Variants in PHACTR2 observed in about 807,000 individuals in gnomAD.
PHACTR2 encodes the protein chromosome 6 open reading frame 56.
PHACTR2 carries 30 observed loss-of-function variants against 76.0 expected under a neutral mutation model. That is an observed-to-expected ratio of 0.39 (90% CI 0.30 to 0.54). The LOEUF (loss-of-function observed/expected upper bound fraction) is 0.54. Among genes scored for constraint, PHACTR2 ranks in the 20% least tolerant of loss-of-function variants. The probability of loss-of-function intolerance (pLI) is 0.61; values close to 1 mark genes in which losing one functional copy is unlikely to be tolerated. For missense variants in PHACTR2, 696 were observed against 781.1 expected, an observed-to-expected ratio of 0.89 and a Z score of 1.30; for synonymous variants, 292 against 292.5, an observed-to-expected ratio of 1.00 and a Z score of 0.02.
At position 143,803,489 on chromosome 6, in the gene PHACTR2, A is replaced by G. The variant is rs567621629; in HGVS notation, c.1846-3568A>G. 2.0e-5 allele frequency among the ~76,000 whole-genome samples: 3 copies of G among 152,234 alleles called. No homozygotes were observed. The highest frequency in any genetic ancestry group is 6.5e-5 in the Admixed American group (1 of 15,274). On this transcript the variant is annotated intron_variant, in intron 11 of 12. Transcript: ENST00000440869. This position sits in a 1 kb window ranked among gnomAD's most constrained non-coding sequence, Gnocchi z 4.7. ...TTTGAACCCAGGAGGCAGAGGTTGC[A>G]GTGAGCTGAGATCACGCCACTGCAC...
At chr6:143,626,481 G>A (rs1776260815) in intron 1 of PHACTR2, among the ~76,000 whole-genome samples, 1 of 148,056 alleles carries the variant, frequency 6.8e-6, no homozygotes, top group African/African-American at 2.5e-5. Flanking sequence ...AGCTTGCAGT[G>A]AGCCGAGATT....
chr6:143,707,418 G>T (rs775593616), intron 1 of PHACTR2, among the ~76,000 whole-genome samples: 5 of 152,076 alleles, frequency 3.3e-5, no homozygotes, highest in African/African-American at 7.2e-5. Flanking sequence ...CTTTTTTCCC[G>T]CAGGGCGGCT....
rs1781128716 is a variant in PHACTR2, at chr6:143,537,465, G to C, written c.217+258G>C. Among the ~76,000 whole-genome samples the C allele has an allele frequency of 6.6e-6, 1 of 152,186 alleles. No homozygotes were observed. Among genetic ancestry groups the C allele is most frequent in the Non-Finnish European group, 1.5e-5 (1 of 68,022 alleles). ...GCCTTGCGGGGCGAGTGTGCAGCCT[G>C]GGTTGGGGTAGGGAGCGCTCCCTCT... On this transcript the variant is annotated intron_variant, in intron 1 of 11. Coordinates refer to the PHACTR2 transcript ENST00000367584. This position sits in a 1 kb window ranked among gnomAD's most constrained non-coding sequence, Gnocchi z 4.4.
rs1323222583 is a variant in PHACTR2 at position 143,809,408 on chromosome 6, G to T, written c.1922+2275G>T. ...GTTTTTTTAGTAGAGATGAGGTCTT[G>T]CTATGTTGCCCAGGCTGGTCTTGAA... On this transcript the variant is annotated intron_variant, in intron 12 of 12. Coordinates refer to ENST00000440869, the MANE Select transcript of PHACTR2 (RefSeq NM_001100164.2). This position sits in a 1 kb window ranked among gnomAD's most constrained non-coding sequence, Gnocchi z 4.2. Among the ~76,000 whole-genome samples, 1 of 151,872 alleles carries T rather than the reference G, an allele frequency of 6.6e-6. No homozygotes were observed. Among genetic ancestry groups the T allele is most frequent in the Non-Finnish European group, 1.5e-5 (1 of 67,956 alleles).
Position 143,753,930 on chromosome 6 carries a change from C to T in PHACTR2, c.454+18C>T, listed in dbSNP as rs995681137. ...TAAGAAAGGTAAAATAAAGACAAAC[C>T]CATATTATTTACTTTAGTATATAGC... On this transcript the variant is annotated intron_variant, in intron 4 of 12. Coordinates refer to ENST00000440869, the MANE Select transcript of PHACTR2 (RefSeq NM_001100164.2). The surrounding 1 kb of genome is among the most constrained non-coding windows in gnomAD (Gnocchi z 4.6). 1 of 1,577,622 alleles carries T rather than the reference C, an allele frequency of 6.3e-7. No individual in the cohort carries two copies. Among genetic ancestry groups the T allele is most frequent in the African/African-American group, 1.4e-5 (1 of 72,880 alleles).
intron 1 of PHACTR2, among the ~76,000 whole-genome samples, chr6:143,574,270 G>A (rs1702049483): frequency 6.6e-6 from 1 of 152,188 alleles, no homozygotes; most frequent in Non-Finnish European, 1.5e-5. Context: ...AGTTCACTAA[G>A]GCAGAGTCTT....
chr6:143,785,757 C>T (rs1206474864), intron 10 of PHACTR2, among the ~76,000 whole-genome samples: 1 of 152,258 alleles, frequency 6.6e-6, no homozygotes, highest in African/African-American at 2.4e-5. Flanking sequence ...CATATGGAAG[C>T]TGCCAAGGCT....
At chr6:143,725,348 C>T (rs1778540703) in intron 2 of PHACTR2, among the ~76,000 whole-genome samples, 1 of 150,326 alleles carries the variant, frequency 6.7e-6, no homozygotes, top group Non-Finnish European at 1.5e-5. Context: ...CTACAGGCGC[C>T]CGCCACCATA....
intron 10 of PHACTR2, among the ~76,000 whole-genome samples, chr6:143,785,205 G>A (rs1775525921): frequency 6.6e-6 from 1 of 152,160 alleles, no homozygotes; most frequent in South Asian, 2.1e-4. Flanking sequence ...GCGGGTACAG[G>A]CATTGGGTAA....
chr6:143,809,135 G>A lies in PHACTR2; in HGVS notation c.1922+2002G>A, dbSNP rs1346236659. 1.3e-5 allele frequency among the ~76,000 whole-genome samples: 2 copies of A among 152,168 alleles called. No individual in the cohort carries two copies. The highest frequency in any genetic ancestry group is 1.5e-5 in the Non-Finnish European group (1 of 68,028). The stretch of plus-strand genomic sequence containing the variant: ...AGTTTTCCTAGAAGTTGGAGTATCT[G>A]ATAGCCTTATCTTCATTTGATAGCA... On this transcript the variant is annotated intron_variant, in intron 12 of 12. Transcript: ENST00000440869. The surrounding 1 kb of genome is among the most constrained non-coding windows in gnomAD (Gnocchi z 4.2).
intron 1 of PHACTR2, among the ~76,000 whole-genome samples, chr6:143,555,867 G>A (rs1775165848): frequency 6.7e-6 from 1 of 149,188 alleles, no homozygotes; most frequent in South Asian, 2.1e-4. Context: ...ATGGTTTCTT[G>A]ACATACAATA....
chr6:143,830,227 C>T lies in PHACTR2; in HGVS notation c.*6538C>T, dbSNP rs1298896047. The T allele has an allele frequency of 2.0e-5, 3 of 150,782 alleles. No homozygotes were observed. The highest frequency in any genetic ancestry group is 3.0e-5 in the Non-Finnish European group (2 of 67,758). The allele number at this position is 150,782 out of a possible 1,614,324, so 9.3% of individuals were successfully genotyped here. ...TAGAAATGTGCCAGTGTGTTCAAAACATTTACACCAATTTCACCAGATTTA... is the reference window on the plus strand; with the variant it reads ...TAGAAATGTGCCAGTGTGTTCAAAATATTTACACCAATTTCACCAGATTTA... On this transcript the variant is annotated 3_prime_UTR_variant, in exon 13 of 13. Transcript: ENST00000440869.
chr6:143,783,256 A>T lies in PHACTR2; in HGVS notation c.1683A>T (p.Glu561Asp). ...AAGAGGAACAAGAAGCAAAAATGGA[A>T]CTTAAACGCAGACTCAGCAGAAAGG... ...NEEEEQEAKM[E>D]LKRRLSRKLS... The change falls in exon 10 of 13, where the codon GAA (glutamate) becomes GAT (aspartate). Residue 561 changes from glutamate (E) to aspartate (D), a missense_variant. Physicochemically the swap from Glu to Asp is conservative, Grantham distance 45 (BLOSUM62 2). This residue lies in a region of PHACTR2 where 236 missense variants were observed against 330.2 expected (regional missense o/e 0.71). Transcript: ENST00000440869. This position sits in a 1 kb window ranked among gnomAD's most constrained non-coding sequence, Gnocchi z 5.2. The T allele has an allele frequency of 6.2e-7, 1 of 1,609,156 alleles. No homozygotes were observed. Among genetic ancestry groups the T allele is most frequent in the Non-Finnish European group, 8.5e-7 (1 of 1,175,876 alleles).
In PHACTR2 at chr6:143,767,767, TCATGA is replaced by T. The variant is rs1779591651; in HGVS notation, c.1232+1971_1232+1975del. 6.6e-6 allele frequency among the ~76,000 whole-genome samples: 1 copy of T among 152,170 alleles called. No homozygotes were observed. Among genetic ancestry groups the T allele is most frequent in the Non-Finnish European group, 1.5e-5 (1 of 68,026 alleles). ...TAATCTATTCACGAGGGCAGAGCCT[TCATGA>T]CTTAAACACCTCCCACTAGGCCCTA... On this transcript the variant is annotated intron_variant, in intron 6 of 12. Coordinates refer to ENST00000440869, the MANE Select transcript of PHACTR2 (RefSeq NM_001100164.2). The surrounding 1 kb of genome is among the most constrained non-coding windows in gnomAD (Gnocchi z 4.4).
intron 1 of PHACTR2, among the ~76,000 whole-genome samples, chr6:143,551,058 CAA>C (rs111767009): frequency 0.062 from 9,291 of 150,446 alleles, 352 homozygotes; most frequent in Middle Eastern, 0.082. Context: ...AAAAAGACAA[CAA>C]AAAAAAACCC....
chr6:143,593,938 G>A (rs1024177606), intron 1 of PHACTR2, among the ~76,000 whole-genome samples: 2 of 152,188 alleles, frequency 1.3e-5, no homozygotes, highest in African/African-American at 4.8e-5. Flanking sequence ...CCCTACTGTG[G>A]ATGTAAGGCT....
chr6:143,702,738 G>C (rs1322320201), intron 1 of PHACTR2, among the ~76,000 whole-genome samples: 1 of 143,828 alleles, frequency 7.0e-6, no homozygotes, highest in Non-Finnish European at 1.5e-5. Context: ...GAACTACTGA[G>C]TGCTCTAATA....
Position 143,563,788 on chromosome 6 carries a change from G to C in PHACTR2, c.217+26581G>C, listed in dbSNP as rs555334756. Among the ~76,000 whole-genome samples the C allele has an allele frequency of 4.0e-5, 6 of 150,798 alleles. No individual in the cohort carries two copies. The South Asian group carries it at 6.3e-4, about 16-fold the overall frequency. ...AGGCAGGTGGATCACTTGAGCTTGAGAGTTCAAGACCAGCCTGGGCAACAT... is the reference window on the plus strand; with the variant it reads ...AGGCAGGTGGATCACTTGAGCTTGACAGTTCAAGACCAGCCTGGGCAACAT... On this transcript the variant is annotated intron_variant, in intron 1 of 11. Transcript: ENST00000367584.
intron 2 of PHACTR2, among the ~76,000 whole-genome samples, chr6:143,721,102 G>A (rs1778432963): frequency 6.6e-6 from 1 of 152,212 alleles, no homozygotes; most frequent in Non-Finnish European, 1.5e-5. Context: ...AAGTCAGAAA[G>A]CCAACCTCAT....
Sources: gnomAD v4.1 joint callset for allele counts (sites outside exome capture counted in the v4.1 genomes callset) on GRCh38, gnomAD v4.1.1 for gene constraint, gnomAD v4.1.1 regional missense constraint, Gnocchi (gnomAD v3.1) non-coding constraint, MANE v1.5 for transcripts, NCBI Gene and HGNC (gene_info 2026-07-23, HGNC 2026-07-21) for gene names.